MIPOL1: variants seen among roughly 807,000 people sequenced by gnomAD.
The protein encoded by MIPOL1 is mirror-image polydactyly gene 1 protein.
A neutral mutation model predicts 60.9 loss-of-function variants in MIPOL1; 57 were observed. That is an observed-to-expected ratio of 0.94 (90% confidence interval 0.76 to 1.17). The LOEUF (loss-of-function observed/expected upper bound fraction) is 1.17, where lower values mean the gene tolerates loss of function less well. MIPOL1 is among the 50% of genes most tolerant of loss of function. The pLI is 0.00. For missense variants in MIPOL1, 551 were observed against 511.6 expected, an observed-to-expected ratio of 1.08 and a Z score of -0.74; for synonymous variants, 179 against 168.8, an observed-to-expected ratio of 1.06 and a Z score of -0.47.
At chr14:37,485,907 A>G (rs1169460494) in intron 11 of MIPOL1, among the ~76,000 whole-genome samples, 2 of 152,164 alleles carry the variant, frequency 1.3e-5, no homozygotes, top group Non-Finnish European at 2.9e-5. Context: ...GTCTTTGCCC[A>G]TGCCTGTGTC....
intron 7 of MIPOL1, among the ~76,000 whole-genome samples, chr14:37,288,999 T>A (rs2084823938): frequency 6.6e-6 from 1 of 152,226 alleles, no homozygotes; most frequent in Admixed American, 6.5e-5. Flanking sequence ...AAAAAATCTG[T>A]AAAAGTTGTA....
intron 1 of MIPOL1, among the ~76,000 whole-genome samples, chr14:37,236,881 A>G (rs1971578456): frequency 6.6e-6 from 1 of 151,958 alleles, no homozygotes; most frequent in Admixed American, 6.6e-5. Flanking sequence ...TTGTGCTGGG[A>G]CACTCCTTTA....
At chr14:37,234,764 G>A (rs895751310) in intron 1 of MIPOL1, among the ~76,000 whole-genome samples, 1 of 151,272 alleles carries the variant, frequency 6.6e-6, no homozygotes, top group Non-Finnish European at 1.5e-5. Flanking sequence ...GTCTAATGTG[G>A]TCCACTTAGC....
chr14:37,363,380 G>T (rs1310102200), intron 9 of MIPOL1, among the ~76,000 whole-genome samples: 2 of 152,168 alleles, frequency 1.3e-5, no homozygotes, highest in Admixed American at 1.3e-4. Flanking sequence ...CTCAGCTGCA[G>T]GTCCATTGGA....
chr14:37,390,043 A>T (rs893408610), intron 10 of MIPOL1, among the ~76,000 whole-genome samples: 11 of 151,786 alleles, frequency 7.2e-5, no homozygotes, highest in African/African-American at 1.4e-4. Flanking sequence ...CTACTACAAA[A>T]ATATATATAT....
chr14:37,507,189 C>G (rs1225317775), intron 12 of MIPOL1: 1 of 152,172 alleles, frequency 6.6e-6, no homozygotes, highest in African/African-American at 2.4e-5. Flanking sequence ...TGGTGGAAGA[C>G]AGTGTGACGA....
At chr14:37,373,150 T>G (rs1765291649) in intron 10 of MIPOL1, among the ~76,000 whole-genome samples, 1 of 152,094 alleles carries the variant, frequency 6.6e-6, no homozygotes, top group Admixed American at 6.5e-5. Context: ...ATTACAGGCA[T>G]GCACCACCAC....
chr14:37,342,156 GT>G (rs1458484742), intron 9 of MIPOL1, among the ~76,000 whole-genome samples: 1 of 152,024 alleles, frequency 6.6e-6, no homozygotes, highest in Non-Finnish European at 1.5e-5. Context: ...GAGGTCAGAA[GT>G]TCAAGACCAG....
chr14:37,513,024 C>A (rs977948862), intron 12 of MIPOL1, among the ~76,000 whole-genome samples: 1 of 151,990 alleles, frequency 6.6e-6, no homozygotes, highest in African/African-American at 2.4e-5. Context: ...TTGGAAGGCA[C>A]CTTCTAAATC....
Position 37,420,372 on chromosome 14 carries a change from G to C in MIPOL1, c.937-2483G>C, listed in dbSNP as rs995578939. 5.3e-5 allele frequency among the ~76,000 whole-genome samples: 8 copies of C among 152,144 alleles called. No individual in the cohort carries two copies. In the East Asian group the frequency reaches 7.7e-4, roughly 15 times the overall value. Reference sequence around the variant, plus strand: ...TGCATTTATTTTTGCAAGTATACACGTAAATGAATGCATGCAGTTTTTATA... The same window carrying C: ...TGCATTTATTTTTGCAAGTATACACCTAAATGAATGCATGCAGTTTTTATA... On this transcript the variant is annotated intron_variant, in intron 10 of 12. Transcript: ENST00000684589.
chr14:37,518,476 A>G (rs1397877382), intron 12 of MIPOL1, among the ~76,000 whole-genome samples: 1 of 152,154 alleles, frequency 6.6e-6, no homozygotes, highest in Non-Finnish European at 1.5e-5. Flanking sequence ...CTGGGATAAC[A>G]GGCACACATC....
rs116480406 is a variant in MIPOL1, at chr14:37,531,643, C to T, written c.1263-15262C>T. Among the ~76,000 whole-genome samples, 347 of 152,214 alleles carry T rather than the reference C, an allele frequency of 2.3e-3. 2 individuals carry two copies. Among genetic ancestry groups the T allele is most frequent in the African/African-American group, 8.1e-3 (337 of 41,526 alleles). On this transcript the variant is annotated intron_variant, in intron 12 of 12. Transcript: ENST00000684589. ...TAACTGCGTGTCACCCAAACCTAAACTGATCTAAGGAAAAATAACAAATTA... is the reference window on the plus strand; with the variant it reads ...TAACTGCGTGTCACCCAAACCTAAATTGATCTAAGGAAAAATAACAAATTA...
intron 1 of MIPOL1, among the ~76,000 whole-genome samples, chr14:37,243,536 T>C (rs1972677852): frequency 2.7e-5 from 4 of 147,416 alleles, no homozygotes; most frequent in Non-Finnish European, 6.1e-5. Flanking sequence ...TTTCTAAAAT[T>C]ACAGTTGGAT....
At chr14:37,211,813 C>G (rs536250711) in intron 1 of MIPOL1, among the ~76,000 whole-genome samples, 5 of 151,800 alleles carry the variant, frequency 3.3e-5, no homozygotes, top group African/African-American at 7.3e-5. Flanking sequence ...CAAAAGAGAC[C>G]CTTTCCTTCT....
intron 6 of MIPOL1, among the ~76,000 whole-genome samples, chr14:37,272,557 A>G (rs1054133341): frequency 1.3e-5 from 2 of 151,558 alleles, no homozygotes; most frequent in East Asian, 1.9e-4. Context: ...TATCTGATGA[A>G]TAGGAGGTAC....
chr14:37,208,725 C>T (rs929274470), intron 1 of MIPOL1, among the ~76,000 whole-genome samples: 1 of 152,174 alleles, frequency 6.6e-6, no homozygotes, highest in Non-Finnish European at 1.5e-5. Context: ...TCCTGCGTAG[C>T]TGGGATTACA....
chr14:37,547,854 A>C lies in MIPOL1; in HGVS notation c.*883A>C, dbSNP rs2095552109. The C allele has an allele frequency of 1.3e-5, 2 of 152,072 alleles. No individual in the cohort carries two copies. Among genetic ancestry groups the C allele is most frequent in the Admixed American group, 6.6e-5 (1 of 15,248 alleles). 9.4% of individuals were successfully genotyped at this position (152,072 alleles called of 1,614,324 possible). On this transcript the variant is annotated 3_prime_UTR_variant, in exon 13 of 13. Transcript: ENST00000684589. ...TTGATTTTTATTGTGGAGGAGGAGG[A>C]TCTAATATATAATATTCAATACAAT...
intron 10 of MIPOL1, among the ~76,000 whole-genome samples, chr14:37,405,537 TA>T (rs1415429101): frequency 1.3e-5 from 2 of 152,142 alleles, no homozygotes; most frequent in Non-Finnish European, 2.9e-5. Flanking sequence ...TTGGTCTTTT[TA>T]AAAAGTTGCT....
chr14:37,390,213 C>A (rs942357971), intron 10 of MIPOL1, among the ~76,000 whole-genome samples: 5 of 151,888 alleles, frequency 3.3e-5, no homozygotes, highest in Non-Finnish European at 5.9e-5. Flanking sequence ...GAGCAAAACT[C>A]CTTCTCAAGA....
Sources: gnomAD v4.1 joint callset for allele counts (sites outside exome capture counted in the v4.1 genomes callset) on GRCh38, gnomAD v4.1.1 for gene constraint, MANE v1.5 for transcripts, NCBI Gene and HGNC (gene_info 2026-07-23, HGNC 2026-07-21) for gene names.